Variants in TMEM131 observed in about 807,000 individuals in gnomAD.
TMEM131 encodes 2610524E03Rik.
TMEM131 carries 66 observed loss-of-function variants against 211.6 expected under a neutral mutation model. The observed-to-expected ratio is 0.31, with a 90% confidence interval of 0.26 to 0.38. The LOEUF is 0.38. Among genes scored for constraint, TMEM131 ranks in the 10% least tolerant of loss-of-function variants. TMEM131 has a pLI of 1.00. For synonymous variants in TMEM131, 844 were observed against 841.3 expected (o/e 1.00, Z -0.06); for missense variants, 2,036 against 2,299.3 (o/e 0.89, Z 2.34).
chr2:97,886,314 G>T (rs190145304), intron 4 of TMEM131, among the ~76,000 whole-genome samples: 2 of 152,058 alleles, frequency 1.3e-5, no homozygotes, highest in African/African-American at 4.8e-5. Context: ...CTTTGGAGGC[G>T]TCATGTTTCC....
chr2:97,799,674 G>A (rs969286405), intron 25 of TMEM131, among the ~76,000 whole-genome samples: 8 of 152,206 alleles, frequency 5.3e-5, no homozygotes, highest in Non-Finnish European at 1.0e-4. Context: ...TAGCGAGGAT[G>A]ATTCATTTTT....
intron 31 of TMEM131, among the ~76,000 whole-genome samples, chr2:97,788,335 AC>A (rs1680346163): frequency 6.6e-6 from 1 of 152,176 alleles, no homozygotes; most frequent in Non-Finnish European, 1.5e-5. Flanking sequence ...ATTCTCAGCA[AC>A]GTGGAATCTG....
At chr2:97,774,646 TGGGGGCCGCTGGAGA>T (rs1327996956) in intron 32 of TMEM131, among the ~76,000 whole-genome samples, 1 of 152,076 alleles carries the variant, frequency 6.6e-6, no homozygotes, top group Non-Finnish European at 1.5e-5. Context: ...CACTGGCCAC[TGGGGGCCGCTGGAGA>T]GGGGGCCACA....
chr2:97,882,779 A>C (rs1674990074), intron 4 of TMEM131, among the ~76,000 whole-genome samples: 1 of 152,136 alleles, frequency 6.6e-6, no homozygotes, highest in Non-Finnish European at 1.5e-5. Flanking sequence ...TTGAACCCTT[A>C]CACATGTTGG....
At position 97,812,722 on chromosome 2, in the gene TMEM131, C is replaced by A; in HGVS notation, c.1645G>T (p.Glu549Ter). 1 of 1,589,166 alleles carries A rather than the reference C, an allele frequency of 6.3e-7. No homozygotes were observed. The highest frequency in any genetic ancestry group is 2.2e-5 in the East Asian group (1 of 44,650). Reference sequence around the variant, plus strand: ...AGTACTCCAAAATCTATGAAACGTTCCTCTATTTTGGGGGGCAATACAAAG... The same window carrying A: ...AGTACTCCAAAATCTATGAAACGTTACTCTATTTTGGGGGGCAATACAAAG... ...DYFVLPPKIE[E>*]RFIDFGVLSA... Residue 549 changes from glutamate (E) to a stop codon, truncating the protein, a stop_gained, in exon 16 of 41, where the codon GAA becomes TAA. Transcript: ENST00000186436. LOFTEE classifies it high-confidence loss of function.
chr2:97,984,933 G>C (rs1029715046), intron 1 of TMEM131, among the ~76,000 whole-genome samples: 2 of 152,058 alleles, frequency 1.3e-5, no homozygotes, highest in African/African-American at 4.8e-5. Flanking sequence ...GAGTTTACTA[G>C]AGGGAAAACA....
intron 3 of TMEM131, among the ~76,000 whole-genome samples, chr2:97,895,356 T>A (rs1675563986): frequency 6.6e-6 from 1 of 152,102 alleles, no homozygotes. Context: ...CTCTGCCAGG[T>A]TTTGGATCAG....
rs1000060622 is a variant in TMEM131 at position 97,788,512 on chromosome 2, A to C, written c.4144+3874T>G. Among the ~76,000 whole-genome samples the C allele has an allele frequency of 5.3e-5, 8 of 151,716 alleles. No homozygotes were observed. In the East Asian group the frequency reaches 1.5e-3, roughly 29 times the overall value. ...GTATCCTGCCTCTCCATCTCTACCA[A>C]CTCACGCACATCTGCACACCTGCGG... On this transcript the variant is annotated intron_variant, in intron 31 of 40. Coordinates refer to ENST00000186436, the MANE Select transcript of TMEM131 (RefSeq NM_015348.2).
intron 3 of TMEM131, among the ~76,000 whole-genome samples, chr2:97,902,644 G>A (rs748576904): frequency 7.9e-5 from 12 of 152,170 alleles, no homozygotes; most frequent in East Asian, 1.9e-4. Context: ...GGTTAATACT[G>A]AGTGTTAACT....
chr2:97,915,098 T>C (rs1676454283), intron 2 of TMEM131, among the ~76,000 whole-genome samples: 1 of 152,230 alleles, frequency 6.6e-6, no homozygotes, highest in South Asian at 2.1e-4. Flanking sequence ...TGGCTAACAA[T>C]GTTGAACAGG....
chr2:97,934,171 T>C (rs752538959), intron 1 of TMEM131, among the ~76,000 whole-genome samples: 5 of 152,200 alleles, frequency 3.3e-5, no homozygotes, highest in Admixed American at 6.5e-5. Context: ...TATAGCAAAG[T>C]TGCAGAATAC....
At chr2:97,881,367 C>T (rs1363412692) in intron 4 of TMEM131, among the ~76,000 whole-genome samples, 1 of 151,844 alleles carries the variant, frequency 6.6e-6, no homozygotes, top group East Asian at 1.9e-4. Flanking sequence ...CCACCATGCC[C>T]AGCTACTTTT....
chr2:97,995,250 T>C (rs897984900), intron 1 of TMEM131, among the ~76,000 whole-genome samples: 10 of 152,208 alleles, frequency 6.6e-5, no homozygotes, highest in Non-Finnish European at 1.2e-4. Context: ...CAGGAAGTTT[T>C]GAAATGGCAG....
At chr2:97,779,581 C>T (rs1017999181) in intron 31 of TMEM131, among the ~76,000 whole-genome samples, 3 of 152,308 alleles carry the variant, frequency 2.0e-5, no homozygotes, top group Non-Finnish European at 4.4e-5. Context: ...CCTGTTGCCC[C>T]AGAGTCCGCA....
At position 97,760,905 on chromosome 2, in the gene TMEM131, T is replaced by C. The variant is rs1170351863; in HGVS notation, c.4899A>G (p.Lys1633=). The change falls in exon 37 of 41, where the codon AAA becomes AAG. Residue 1633 remains lysine, a synonymous_variant. Coordinates refer to ENST00000186436, the MANE Select transcript of TMEM131 (RefSeq NM_015348.2). ...GTTTGCTTCCATTTGGCTGTTTTAT[T>C]TTAGGGTCACTTGAAAAAGAAGCAA... The part of the protein sequence containing the change: ...IVNSSSSSDP[K]IKQPNGSKHK... 1 of 1,613,954 alleles carries C rather than the reference T, an allele frequency of 6.2e-7. No homozygotes were observed. Among genetic ancestry groups the C allele is most frequent in the Non-Finnish European group, 8.5e-7 (1 of 1,179,886 alleles).
At chr2:97,967,925 G>C (rs1679128985) in intron 1 of TMEM131, among the ~76,000 whole-genome samples, 1 of 151,666 alleles carries the variant, frequency 6.6e-6, no homozygotes, top group Admixed American at 6.6e-5. Flanking sequence ...TTTAAGGTGG[G>C]AGGCACAGAA....
intron 1 of TMEM131, among the ~76,000 whole-genome samples, chr2:97,987,434 CAG>C (rs1403485277): frequency 6.6e-6 from 1 of 152,050 alleles, no homozygotes; most frequent in Non-Finnish European, 1.5e-5. Context: ...ACCCGGGAGA[CAG>C]AGGCTGCAGT....
At chr2:97,818,473 CGGGG>C in intron 12 of TMEM131, 136 bp downstream of exon 12, 1 of 55,522 alleles carries the variant, frequency 1.8e-5, no homozygotes, top group Non-Finnish European at 6.6e-5. Flanking sequence ...CGGGGGGGGG[CGGGG>C]GGGGATCAAC....
intron 4 of TMEM131, among the ~76,000 whole-genome samples, chr2:97,886,811 A>G (rs2104249163): frequency 6.6e-6 from 1 of 152,374 alleles, no homozygotes; most frequent in East Asian, 1.9e-4. Flanking sequence ...GCTGTTTCTC[A>G]GGCCTAGCTA....
Sources: gnomAD v4.1 joint callset for allele counts (sites outside exome capture counted in the v4.1 genomes callset) on GRCh38, gnomAD v4.1.1 for gene constraint, MANE v1.5 for transcripts, NCBI Gene and HGNC (gene_info 2026-07-23, HGNC 2026-07-21) for gene names.